The following RPA1 variants were observed in gnomAD, a reference collection of about 807,000 sequenced individuals.
The protein encoded by RPA1 is replication protein A 70 kDa DNA-binding subunit.
A neutral mutation model predicts 83.0 loss-of-function variants in RPA1; 49 were observed. That is an observed-to-expected ratio of 0.59 (90% CI 0.47 to 0.75). The LOEUF (loss-of-function observed/expected upper bound fraction) is 0.75. Among genes scored for constraint, RPA1 ranks in the 30% least tolerant of loss-of-function variants. The pLI, the probability that RPA1 is intolerant of heterozygous loss-of-function variation, is 0.00. For synonymous variants in RPA1, 279 were observed against 281.8 expected (o/e 0.99, Z 0.10); for missense variants, 693 against 776.1 (o/e 0.89, Z 1.27).
Position 1,831,820 on chromosome 17 carries a change from C to T in RPA1, c.33+1694C>T, listed in dbSNP as rs370386682. Among the ~76,000 whole-genome samples the T allele has an allele frequency of 3.0e-4, 45 of 150,494 alleles. No homozygotes were observed. The East Asian group carries it at 7.7e-3, about 26-fold the overall frequency. On this transcript the variant is annotated intron_variant, in intron 1 of 16. Transcript: ENST00000254719. ...TTCACCGTGTTAGCCAGGATGGTCT[C>T]GATCTCCTGACCTTGTGATTCGCCC...
At chr17:1,845,982 A>G (rs574127984) in intron 4 of RPA1, among the ~76,000 whole-genome samples, 11 of 152,280 alleles carry the variant, frequency 7.2e-5, no homozygotes, top group African/African-American at 2.4e-4. Context: ...AAATGATAAC[A>G]ATACTAAGAG....
At chr17:1,830,879 T>C (rs751284518) in intron 1 of RPA1, among the ~76,000 whole-genome samples, 10 of 151,880 alleles carry the variant, frequency 6.6e-5, no homozygotes, top group Non-Finnish European at 1.3e-4. Flanking sequence ...GAGTCTCCTG[T>C]CTCAGCCTCC....
At position 1,879,375 on chromosome 17, in the gene RPA1, A is replaced by G. The variant is rs781174316; in HGVS notation, c.920A>G (p.Asp307Gly). Reference sequence around the variant, plus strand: ...CAGTTTGATTTCACGGGGATTGATGACCTCGAGAACAAGTCGAAAGACTCA... The same window carrying G: ...CAGTTTGATTTCACGGGGATTGATGGCCTCGAGAACAAGTCGAAAGACTCA... The part of the protein sequence containing the change: ...TVQFDFTGID[D>G]LENKSKDSLV... Residue 307 changes from aspartate to glycine, a missense_variant, in exon 10 of 17, where the codon GAC (aspartate) becomes GGC (glycine). Asp to Gly is a moderately conservative substitution (Grantham distance 94, BLOSUM62 -1). Transcript: ENST00000254719. 76 of 1,614,068 alleles carry G rather than the reference A, an allele frequency of 4.7e-5. No homozygotes were observed. Among genetic ancestry groups the G allele is most frequent in the Non-Finnish European group, 6.4e-5 (75 of 1,180,044 alleles).
At position 1,872,521 on chromosome 17, in the gene RPA1, G is replaced by C; in HGVS notation, c.449G>C (p.Gly150Ala). Residue 150 changes from glycine (G) to alanine (A), a missense_variant, in exon 6 of 17, where the codon GGA (glycine) becomes GCA (alanine). Gly to Ala is a moderately conservative substitution (Grantham distance 60). Transcript: ENST00000254719. ...SRPQPQNGSSGMGSTVSKAYG... is the reference protein window; with the variant it reads ...SRPQPQNGSSAMGSTVSKAYG... The stretch of plus-strand genomic sequence containing the variant: ...CCCCAGCCGCAGAATGGAAGCTCGG[G>C]AATGGGTGAGATGCCTCACGGGGCG... 1 of 1,613,626 alleles carries C rather than the reference G, an allele frequency of 6.2e-7. No individual in the cohort carries two copies. The highest frequency in any genetic ancestry group is 2.2e-5 in the East Asian group (1 of 44,876).
intron 5 of RPA1, among the ~76,000 whole-genome samples, chr17:1,857,327 T>C (rs1912739607): frequency 6.6e-6 from 1 of 151,254 alleles, no homozygotes; most frequent in South Asian, 2.1e-4. Context: ...AAAGGGTACA[T>C]TACTTCGATG....
At position 1,884,105 on chromosome 17, in the gene RPA1, C is replaced by G. The variant is rs1913908543; in HGVS notation, c.1374+161C>G. Among the ~76,000 whole-genome samples, 1 of 152,170 alleles carries G rather than the reference C, an allele frequency of 6.6e-6. No homozygotes were observed. Among genetic ancestry groups the G allele is most frequent in the Admixed American group, 6.5e-5 (1 of 15,280 alleles). The stretch of plus-strand genomic sequence containing the variant: ...GTTGAGAATCACTGGCAGAGGGAAG[C>G]AGCCAGGTGTGCTCATGGGAATATG... On this transcript the variant is annotated intron_variant, in intron 13 of 16. Transcript: ENST00000254719. The surrounding 1 kb of genome is among the most constrained non-coding windows in gnomAD (Gnocchi z 4.1).
At chr17:1,874,012 AATATAT>A (rs1180376121) in intron 6 of RPA1, among the ~76,000 whole-genome samples, 18 of 93,864 alleles carry the variant, frequency 1.9e-4, no homozygotes, top group African/African-American at 2.6e-4. Context: ...AAAAAAAAAA[AATATAT>A]ATATATATAT....
At chr17:1,849,018 G>A (rs905929610) in intron 4 of RPA1, among the ~76,000 whole-genome samples, 1 of 152,082 alleles carries the variant, frequency 6.6e-6, no homozygotes, top group African/African-American at 2.4e-5. Context: ...GTGGACAGAC[G>A]TTTCCATTTC....
chr17:1,856,781 C>G (rs1195192112), intron 5 of RPA1, among the ~76,000 whole-genome samples: 1 of 151,552 alleles, frequency 6.6e-6, no homozygotes, highest in Non-Finnish European at 1.5e-5. Flanking sequence ...ATCTGCCTGC[C>G]TCAGCCTCCC....
chr17:1,883,382 T>C (rs1001092879), intron 12 of RPA1, among the ~76,000 whole-genome samples: 9 of 152,122 alleles, frequency 5.9e-5, no homozygotes, highest in African/African-American at 1.9e-4. Context: ...AGGATAGTCT[T>C]GATCTCTTGA....
intron 12 of RPA1, among the ~76,000 whole-genome samples, chr17:1,883,168 T>C (rs556000881): frequency 1.3e-5 from 2 of 152,172 alleles, no homozygotes; most frequent in African/African-American, 4.8e-5. Flanking sequence ...AAAAAATTTT[T>C]TTTTCGAGAC....
intron 5 of RPA1, among the ~76,000 whole-genome samples, chr17:1,857,147 T>A (rs1912728702): frequency 6.6e-6 from 1 of 152,092 alleles, no homozygotes; most frequent in South Asian, 2.1e-4. Flanking sequence ...ATATTCTCAT[T>A]CATATTCAAT....
rs1440317889 is a variant in RPA1 at position 1,897,129 on chromosome 17, A to G, written c.1805A>G (p.Tyr602Cys). ...GTGAAGCCCGTGGACTACAGAGAGT[A>G]TGGCCGAAGGCTGGTCATGAGCATC... ...MDVKPVDYRE[Y>C]GRRLVMSIRR... The change falls in exon 17 of 17, where the codon TAT (tyrosine) becomes TGT (cysteine). Residue 602 changes from tyrosine (Y) to cysteine (C), a missense_variant. Transcript: ENST00000254719. 1 of 1,569,842 alleles carries G rather than the reference A, an allele frequency of 6.4e-7. No homozygotes were observed. Among genetic ancestry groups the G allele is most frequent in the South Asian group, 1.2e-5 (1 of 84,988 alleles).
intron 13 of RPA1, among the ~76,000 whole-genome samples, chr17:1,888,175 T>C (rs772733059): frequency 4.1e-4 from 62 of 152,230 alleles, no homozygotes; most frequent in Non-Finnish European, 6.8e-4. Context: ...AGCAGCTTGC[T>C]GATCCCTGGC....
chr17:1,874,012 A>AAAAAAAAAAAAAAT (rs1555592994), intron 6 of RPA1, among the ~76,000 whole-genome samples: 3 of 93,864 alleles, frequency 3.2e-5, no homozygotes, highest in African/African-American at 1.5e-4. Context: ...AAAAAAAAAA[A>AAAAAAAAAAAAAAT]ATATATATAT....
intron 4 of RPA1, among the ~76,000 whole-genome samples, chr17:1,850,751 G>A (rs906528019): frequency 6.6e-6 from 1 of 151,566 alleles, no homozygotes; most frequent in South Asian, 2.1e-4. Flanking sequence ...CAAAAATTAG[G>A]TGTGGTGGCG....
At chr17:1,895,135 G>T in intron 16 of RPA1, 40 bp downstream of exon 16, 1 of 1,530,394 alleles carries the variant, frequency 6.5e-7, no homozygotes, top group Non-Finnish European at 9.0e-7. Flanking sequence ...TGGTGGGGAG[G>T]TGCTGTTTGT....
At chr17:1,830,244 T>TGGAGTG in intron 1 of RPA1, 118 bp downstream of exon 1, 2 of 184,700 alleles carry the variant, frequency 1.1e-5, no homozygotes, top group East Asian at 1.1e-4. Flanking sequence ...GGGGAGGAGA[T>TGGAGTG]GGCGGGGGGC....
chr17:1,883,894 TG>T lies in RPA1; in HGVS notation c.1326del (p.Trp442Ter), dbSNP rs1314470354. 6.2e-7 allele frequency: 1 copy of T among 1,614,138 alleles called. No homozygotes were observed. Among genetic ancestry groups the T allele is most frequent in the Non-Finnish European group, 8.5e-7 (1 of 1,180,020 alleles). On this transcript the variant is annotated frameshift_variant, in exon 13 of 17. Transcript: ENST00000254719. LOFTEE classifies it high-confidence loss of function. ...SGGVGGSNTN[W>X]KTLYEVKSEN... The stretch of plus-strand genomic sequence containing the variant: ...CGGAGTCGGAGGGAGTAACACCAAC[TG>T]GAAAACCTTGTATGAGGTCAAATCC...
Sources: gnomAD v4.1 joint callset for allele counts (sites outside exome capture counted in the v4.1 genomes callset) on GRCh38, gnomAD v4.1.1 for gene constraint, Gnocchi (gnomAD v3.1) non-coding constraint, MANE v1.5 for transcripts, NCBI Gene and HGNC (gene_info 2026-07-23, HGNC 2026-07-21) for gene names.